Variants in MOK observed in about 807,000 individuals in gnomAD.
MOK encodes the protein MOK protein kinase, also known as MAPK/MAK/MRK overlapping kinase.
In MOK, 59 loss-of-function variants were observed where a neutral mutation model predicts 54.2. The ratio of observed to expected loss-of-function variants is 1.09; its 90% CI spans 0.88 to 1.35. The LOEUF is 1.35. Among genes scored for constraint, MOK ranks in the 40% most tolerant of loss-of-function variants. The pLI, the probability that MOK is intolerant of heterozygous loss-of-function variation, is 0.00. For missense variants in MOK, 517 were observed against 526.2 expected (o/e 0.98, Z 0.17); for synonymous variants, 210 against 202.7 (o/e 1.04, Z -0.31).
At chr14:102,242,678 T>G (rs1342063947) in intron 7 of MOK, among the ~76,000 whole-genome samples, 1 of 152,206 alleles carries the variant, frequency 6.6e-6, no homozygotes, top group Non-Finnish European at 1.5e-5. Flanking sequence ...TTAAAGCCTA[T>G]AAACTCTCCT....
Position 102,302,850 on chromosome 14 carries a change from G to C in MOK, c.7+2112C>G, listed in dbSNP as rs1018242574. ...TAAATTACTGAAAGTGATGCCTCTA[G>C]GTAGTGGGGTATGAAGAGTCTAAGA... is the stretch of plus-strand genomic sequence containing the variant. On this transcript the variant is annotated intron_variant, in intron 1 of 11. Transcript: ENST00000361847. 1.3e-4 allele frequency among the ~76,000 whole-genome samples: 20 copies of C among 151,612 alleles called. 1 individual carries two copies. The highest frequency in any genetic ancestry group is 4.6e-4 in the African/African-American group (19 of 41,384).
intron 1 of MOK, among the ~76,000 whole-genome samples, chr14:102,296,747 C>T (rs117623202): frequency 0.019 from 2,854 of 152,046 alleles, 55 homozygotes; most frequent in South Asian, 0.095. Flanking sequence ...TGGTGAGACC[C>T]TCATCTCTAA....
In MOK at chr14:102,232,459, C is replaced by G. The variant is rs559311088; in HGVS notation, c.866+76G>C. Reference sequence around the variant, plus strand: ...CCAGGGACCCTCCAGGGGGCAGTACCTTGCCCCACCATGTGCCCATGGGTC... The same window carrying G: ...CCAGGGACCCTCCAGGGGGCAGTACGTTGCCCCACCATGTGCCCATGGGTC... On this transcript the variant is annotated intron_variant, in intron 9 of 11. Transcript: ENST00000361847. The surrounding 1 kb of genome is among the most constrained non-coding windows in gnomAD (Gnocchi z 5.1). 6.6e-7 allele frequency: 1 copy of G among 1,505,128 alleles called. No homozygotes were observed. Among genetic ancestry groups the G allele is most frequent in the East Asian group, 2.3e-5 (1 of 44,032 alleles). The allele number at this position is 1,505,128 out of a possible 1,614,324, so 93.2% of individuals were successfully genotyped here.
At chr14:102,224,334 C>T (rs969897461), downstream of MOK, among the ~76,000 whole-genome samples, 2 of 152,104 alleles carry the variant, frequency 1.3e-5, no homozygotes, top group Non-Finnish European at 2.9e-5. Context: ...GCCACTGCGC[C>T]CGGCCTTACC....
At chr14:102,283,175 T>G in intron 2 of MOK, 1 of 204,738 alleles carries the variant, frequency 4.9e-6, no homozygotes, top group Non-Finnish European at 9.5e-6. Context: ...TTTTTTTAAT[T>G]AAAAAAAAAA....
At chr14:102,260,324 G>A (rs373669589) in intron 4 of MOK, among the ~76,000 whole-genome samples, 12 of 152,004 alleles carry the variant, frequency 7.9e-5, no homozygotes, top group African/African-American at 1.9e-4. Flanking sequence ...CCAGCCTGGC[G>A]ACAGAGTGAG....
chr14:102,290,285 C>G (rs962059874), intron 1 of MOK, among the ~76,000 whole-genome samples: 1 of 151,566 alleles, frequency 6.6e-6, no homozygotes, highest in Non-Finnish European at 1.5e-5. Context: ...ACTAAAAATA[C>G]AAAATTAGCC....
intron 10 of MOK, 120 bp from the exon 11 acceptor site, chr14:102,229,777 G>T: frequency 1.1e-6 from 1 of 929,876 alleles, no homozygotes; most frequent in Non-Finnish European, 1.6e-6. Flanking sequence ...ACCATAAGAT[G>T]TGACTGGGAC....
rs150737610 is a variant in MOK, at chr14:102,285,835, T to G, written c.8-2243A>C. Among the ~76,000 whole-genome samples the G allele has an allele frequency of 6.0e-3, 919 of 152,142 alleles. 5 individuals carry two copies. Among genetic ancestry groups the G allele is most frequent in the Non-Finnish European group, 9.0e-3 (610 of 67,980 alleles). On this transcript the variant is annotated intron_variant, in intron 1 of 11. Coordinates refer to ENST00000361847, the MANE Select transcript of MOK (RefSeq NM_014226.3). ...CAAACCCGGAAGGCAGAGGTTGCAG[T>G]GAGCCAAGATCGCACCACTGCACTC...
chr14:102,270,567 C>A (rs112273543), intron 2 of MOK, among the ~76,000 whole-genome samples: 1 of 151,584 alleles, frequency 6.6e-6, no homozygotes, highest in African/African-American at 2.4e-5. Flanking sequence ...TGCCATTGCA[C>A]TCCAGCCTGG....
At chr14:102,270,930 G>A (rs760652844) in intron 2 of MOK, among the ~76,000 whole-genome samples, 6 of 152,120 alleles carry the variant, frequency 3.9e-5, no homozygotes, top group Non-Finnish European at 7.4e-5. Flanking sequence ...AGTGGCTCAC[G>A]CCTATAATCC....
At position 102,304,845 on chromosome 14, in the gene MOK, G is replaced by A. The variant is rs574953908; in HGVS notation, c.7+117C>T. 2.1e-4 allele frequency: 250 copies of A among 1,214,578 alleles called. No individual in the cohort carries two copies. In the African/African-American group the frequency reaches 2.6e-3, roughly 13 times the overall value. The allele number at this position is 1,214,578 out of a possible 1,614,324, so 75.2% of individuals were successfully genotyped here. On this transcript the variant is annotated intron_variant, in intron 1 of 11. Coordinates refer to ENST00000361847, the MANE Select transcript of MOK (RefSeq NM_014226.3). ...GAGCCTCCCGGGCCTGTCGAGCCAC[G>A]GCAGAAGGCGACGACGCCCGGCCCC...
downstream of MOK, chr14:102,226,021 C>CT: frequency 2.2e-6 from 1 of 449,444 alleles, no homozygotes; most frequent in East Asian, 4.3e-5. The surrounding 1 kb of genome is among the most constrained non-coding windows in gnomAD (Gnocchi z 4.8). Flanking sequence ...TAGCTGGACT[C>CT]TAGCTGCCTT....
At chr14:102,222,738 T>C, downstream of MOK, 2 of 1,408,656 alleles carry the variant, frequency 1.4e-6, no homozygotes, top group East Asian at 2.3e-5. This position sits in a 1 kb window ranked among gnomAD's most constrained non-coding sequence, Gnocchi z 4.4. Context: ...AGCACCAGTT[T>C]TGACCACGTG....
chr14:102,251,836 C>T lies in MOK; in HGVS notation c.363-32G>A, dbSNP rs188149839. 5.1e-5 allele frequency: 79 copies of T among 1,545,344 alleles called. No homozygotes were observed. The East Asian group carries it at 1.7e-3, about 33-fold the overall frequency. On this transcript the variant is annotated intron_variant, in intron 5 of 11. Coordinates refer to ENST00000361847, the MANE Select transcript of MOK (RefSeq NM_014226.3). The stretch of plus-strand genomic sequence containing the variant: ...TCAGTATAAAGGAAAAATAGAATTA[C>T]ACTTCATTTATTCAAATTCTTGAAT...
At chr14:102,284,625 G>A (rs2069823437) in intron 1 of MOK, among the ~76,000 whole-genome samples, 1 of 152,172 alleles carries the variant, frequency 6.6e-6, no homozygotes, top group Non-Finnish European at 1.5e-5. Context: ...CATTGGCAGA[G>A]AACGGTCTGT....
chr14:102,260,732 A>G (rs2067318825), intron 4 of MOK: 2 of 152,308 alleles, frequency 1.3e-5, no homozygotes, highest in South Asian at 4.1e-4. Context: ...GTTTTCTACA[A>G]TCGCTGTAGA....
In MOK at chr14:102,229,557, G is replaced by A. The variant is rs572960058; in HGVS notation, c.1082C>T (p.Ser361Leu). 9 of 1,614,172 alleles carry A rather than the reference G, an allele frequency of 5.6e-6. No homozygotes were observed. Among genetic ancestry groups the A allele is most frequent in the African/African-American group, 1.3e-5 (1 of 75,030 alleles). The change falls in exon 11 of 12, where the codon TCG becomes TTG. Residue 361 changes from serine to leucine, a missense_variant. Transcript: ENST00000361847. ...KLKLSGVVRL[S>L]SYSSPTLQSV... ...CTGCAGCGTGGGGCTGGAGTAAGAC[G>A]ACAGTCTGACCACTCCCGAAAGCTT...
intron 1 of MOK, among the ~76,000 whole-genome samples, chr14:102,303,097 G>C (rs1478087507): frequency 6.6e-6 from 1 of 151,582 alleles, no homozygotes; most frequent in Non-Finnish European, 1.5e-5. Context: ...GGAGGCAGAG[G>C]TTGCAGTGAG....
Sources: gnomAD v4.1 joint callset for allele counts (sites outside exome capture counted in the v4.1 genomes callset) on GRCh38, gnomAD v4.1.1 for gene constraint, Gnocchi (gnomAD v3.1) non-coding constraint, MANE v1.5 for transcripts, NCBI Gene and HGNC (gene_info 2026-07-23, HGNC 2026-07-21) for gene names.